Variants in NTRK3 observed in about 807,000 individuals in gnomAD.
NTRK3 encodes the protein neurotrophic receptor tyrosine kinase 3, also known as NT-3 growth factor receptor.
Under a neutral mutation model 91.7 loss-of-function variants are expected in NTRK3, and 24 were observed. That is an observed-to-expected ratio of 0.26 (90% CI 0.19 to 0.37). The LOEUF (loss-of-function observed/expected upper bound fraction) is 0.37. Ranked by LOEUF, NTRK3 falls within the 10% of genes least tolerant of loss-of-function variation. The pLI, the probability that NTRK3 is intolerant of heterozygous loss-of-function variation, is 1.00. For missense variants in NTRK3, 880 were observed against 1,068.9 expected (o/e 0.82, Z 2.46); for synonymous variants, 483 against 404.0 (o/e 1.20, Z -2.34).
chr15:88,189,246 T>C (rs760592886), intron 3 of NTRK3, among the ~76,000 whole-genome samples: 38 of 152,210 alleles, frequency 2.5e-4, no homozygotes, highest in Non-Finnish European at 4.3e-4. Flanking sequence ...GTCTGAAACA[T>C]ACCCACTCTT....
At chr15:88,245,605 G>A (rs2052741043) in intron 3 of NTRK3, among the ~76,000 whole-genome samples, 1 of 152,188 alleles carries the variant, frequency 6.6e-6, no homozygotes, top group East Asian at 1.9e-4. Context: ...GAGACTGGAA[G>A]CAAGAAGAAC....
At chr15:87,878,933 GTGTGTGT>G (rs1351425180) in intron 18 of NTRK3, among the ~76,000 whole-genome samples, 4 of 151,688 alleles carry the variant, frequency 2.6e-5, no homozygotes, top group Non-Finnish European at 5.9e-5. Flanking sequence ...GTGTGTGTGT[GTGTGTGT>G]GTGTGTGTGT....
exon 19 of NTRK3, chr15:87,876,902 A>G: frequency 6.2e-7 from 1 of 1,611,764 alleles, no homozygotes; most frequent in African/African-American, 1.3e-5. Context: ...GAGAGGAGGC[A>G]ACAGAGTATG....
intron 14 of NTRK3, among the ~76,000 whole-genome samples, chr15:87,967,975 T>G (rs1398218377): frequency 6.6e-6 from 1 of 152,164 alleles, no homozygotes; most frequent in African/African-American, 2.4e-5. Flanking sequence ...GTGCCTGTTT[T>G]CCTAGAACAG....
At chr15:87,902,963 C>T (rs563159795) in intron 17 of NTRK3, among the ~76,000 whole-genome samples, 12 of 152,250 alleles carry the variant, frequency 7.9e-5, no homozygotes, top group Non-Finnish European at 1.3e-4. Context: ...CTTCACTGGC[C>T]ATAAAGCCTC....
At chr15:87,899,443 C>T (rs1346892156) in intron 17 of NTRK3, among the ~76,000 whole-genome samples, 1 of 147,388 alleles carries the variant, frequency 6.8e-6, no homozygotes, top group Non-Finnish European at 1.5e-5. Flanking sequence ...AGCATTCGAA[C>T]TCCATCAGTC....
chr15:87,947,331 T>A (rs2070662149), intron 14 of NTRK3, among the ~76,000 whole-genome samples: 1 of 147,190 alleles, frequency 6.8e-6, no homozygotes, highest in African/African-American at 2.6e-5. Flanking sequence ...CTGTGCCACC[T>A]TGACATCCTT....
In NTRK3 at chr15:88,105,896, C is replaced by A. The variant is rs117361326; in HGVS notation, c.1396+20375G>T. The stretch of plus-strand genomic sequence containing the variant: ...CATTCACGTTTACAGATGAGGACAG[C>A]AGAAGTTCAGAAAGTTTAAGTGACT... On this transcript the variant is annotated intron_variant, in intron 13 of 18. Transcript: ENST00000394480. 1.5e-3 allele frequency among the ~76,000 whole-genome samples: 226 copies of A among 152,298 alleles called. 1 individual carries two copies. The highest frequency in any genetic ancestry group is 2.8e-3 in the Non-Finnish European group (193 of 68,024).
rs188843913 is a variant in NTRK3 at position 88,016,611 on chromosome 15, C to T, written c.1585+16246G>A. On this transcript the variant is annotated intron_variant, in intron 14 of 18. Coordinates refer to ENST00000394480, the Ensembl canonical transcript of NTRK3. ...CAGGGGCCTCTCATTCAATGCCTCT[C>T]ACCATTTACATTCCAACACTGTAAG... 1.8e-4 allele frequency among the ~76,000 whole-genome samples: 27 copies of T among 152,346 alleles called. No homozygotes were observed. The East Asian group carries it at 5.0e-3, about 28-fold the overall frequency.
intron 15 of NTRK3, among the ~76,000 whole-genome samples, chr15:87,935,297 G>C (rs531572504): frequency 6.6e-6 from 1 of 152,156 alleles, no homozygotes; most frequent in Admixed American, 6.5e-5. Flanking sequence ...ATAGGGCAAG[G>C]ACATGTGATC....
At chr15:87,878,516 C>A (rs536697449) in intron 18 of NTRK3, among the ~76,000 whole-genome samples, 35 of 152,200 alleles carry the variant, frequency 2.3e-4, no homozygotes, top group Admixed American at 9.8e-4. Context: ...CATTTCCACC[C>A]TCCATTACCT....
In NTRK3 at chr15:88,114,298, AT is replaced by A. The variant is rs899411071; in HGVS notation, c.1396+11972del. ...CTCAGAAGACATCAAAAAAGATGAA[AT>A]TAAAAAAATCCCAAATCCCACCACC... On this transcript the variant is annotated intron_variant, in intron 13 of 18. Transcript: ENST00000394480. Among the ~76,000 whole-genome samples the A allele has an allele frequency of 5.9e-5, 9 of 152,292 alleles. No individual in the cohort carries two copies. The East Asian group carries it at 1.5e-3, about 26-fold the overall frequency.
intron 3 of NTRK3, among the ~76,000 whole-genome samples, chr15:88,227,335 T>C (rs2050760089): frequency 6.6e-6 from 1 of 152,158 alleles, no homozygotes; most frequent in Non-Finnish European, 1.5e-5. Context: ...ATAAAATTCA[T>C]TTGTTGAAGT....
intron 5 of NTRK3, among the ~76,000 whole-genome samples, chr15:88,178,228 C>T (rs1246820373): frequency 6.6e-6 from 1 of 152,194 alleles, no homozygotes; most frequent in Non-Finnish European, 1.5e-5. Flanking sequence ...ATACTGTCTA[C>T]ATGTCATCTT....
chr15:88,136,578 G>T, exon 8 of NTRK3: 1 of 1,613,574 alleles, frequency 6.2e-7, no homozygotes, highest in Non-Finnish European at 8.5e-7. Flanking sequence ...GTACGGTCAG[G>T]TTGACGTGGC....
intron 3 of NTRK3, among the ~76,000 whole-genome samples, chr15:88,212,361 C>T (rs1347658018): frequency 1.3e-5 from 2 of 152,154 alleles, no homozygotes; most frequent in Non-Finnish European, 2.9e-5. Context: ...CAGAGTGAGA[C>T]TCCATCTCAA....
chr15:88,159,434 G>T (rs934880793), intron 5 of NTRK3, among the ~76,000 whole-genome samples: 4 of 152,102 alleles, frequency 2.6e-5, no homozygotes, highest in Admixed American at 2.0e-4. Flanking sequence ...AAATTACCAG[G>T]CCTCCTGAGT....
chr15:88,195,204 C>T (rs544795908), intron 3 of NTRK3, among the ~76,000 whole-genome samples: 29 of 152,228 alleles, frequency 1.9e-4, no homozygotes, highest in African/African-American at 6.3e-4. Context: ...ATATCAGTAG[C>T]GCTAAGGTTG....
chr15:87,940,540 C>T, intron 15 of NTRK3, 83 bp downstream of exon 15: 1 of 1,604,256 alleles, frequency 6.2e-7, no homozygotes, highest in African/African-American at 1.3e-5. Flanking sequence ...GCACTATCTT[C>T]TCAAATGGAG....
Sources: allele counts gnomAD v4.1 joint callset (sites outside exome capture counted in the v4.1 genomes callset), GRCh38; gene constraint gnomAD v4.1.1; transcripts MANE v1.5; gene names NCBI Gene and HGNC (gene_info 2026-07-23, HGNC 2026-07-21).